Variants in JAZF1 observed in about 807,000 individuals in gnomAD.
The protein encoded by JAZF1 is JAZF zinc finger 1, also known as juxtaposed with another zinc finger protein 1.
In JAZF1, 8 loss-of-function variants were observed where a neutral mutation model predicts 26.4. The ratio of observed to expected loss-of-function variants is 0.30; its 90% confidence interval spans 0.18 to 0.55. The LOEUF is 0.55. Among genes scored for constraint, JAZF1 ranks in the 20% least tolerant of loss-of-function variants. The probability of loss-of-function intolerance (pLI) is 0.94; values close to 1 mark genes in which losing one functional copy is unlikely to be tolerated. For missense variants in JAZF1, 199 were observed against 322.0 expected, an observed-to-expected ratio of 0.62 and a Z score of 2.92; for synonymous variants, 126 against 122.3, an observed-to-expected ratio of 1.03 and a Z score of -0.20.
At chr7:28,058,923 A>G (rs973396068) in intron 1 of JAZF1, among the ~76,000 whole-genome samples, 2 of 152,308 alleles carry the variant, frequency 1.3e-5, no homozygotes, top group Middle Eastern at 3.4e-3. Context: ...CTTTCACATC[A>G]AGCGTAACAC....
intron 2 of JAZF1, among the ~76,000 whole-genome samples, chr7:27,907,545 G>T (rs1188423311): frequency 6.6e-6 from 1 of 152,164 alleles, no homozygotes. Context: ...CTCTGATGTT[G>T]CATGGCCTTA....
At chr7:28,015,378 T>C (rs1045027768) in intron 1 of JAZF1, among the ~76,000 whole-genome samples, 1 of 152,166 alleles carries the variant, frequency 6.6e-6, no homozygotes, top group Non-Finnish European at 1.5e-5. Flanking sequence ...TGACAATGCA[T>C]CAATTTGGTT....
intron 2 of JAZF1, among the ~76,000 whole-genome samples, chr7:27,963,311 T>C (rs935265843): frequency 1.3e-5 from 2 of 152,224 alleles, no homozygotes; most frequent in African/African-American, 4.8e-5. Context: ...GGAAACAATG[T>C]AGCTTTGGAG....
At chr7:27,968,959 A>T (rs1197750650) in intron 2 of JAZF1, among the ~76,000 whole-genome samples, 1 of 152,230 alleles carries the variant, frequency 6.6e-6, no homozygotes, top group Non-Finnish European at 1.5e-5. Flanking sequence ...AATAATAGAT[A>T]GTATTTTTCC....
chr7:27,854,060 T>G (rs1783200074), intron 3 of JAZF1, among the ~76,000 whole-genome samples: 1 of 152,180 alleles, frequency 6.6e-6, no homozygotes, highest in Non-Finnish European at 1.5e-5. Context: ...GCTCCTGTTT[T>G]GGGTGCGTAT....
intron 2 of JAZF1, among the ~76,000 whole-genome samples, chr7:27,935,180 A>T (rs1784747055): frequency 1.3e-5 from 2 of 152,196 alleles, no homozygotes; most frequent in Admixed American, 1.3e-4. Context: ...GAATGGTTAT[A>T]ATCAAACAGA....
At chr7:27,929,436 G>C in intron 2 of JAZF1, among the ~76,000 whole-genome samples, 1 of 152,184 alleles carries the variant, frequency 6.6e-6, no homozygotes, top group East Asian at 1.9e-4. Context: ...GGTCAGCCTG[G>C]AATCTTCAAT....
At chr7:28,145,957 T>C (rs1029183643) in intron 1 of JAZF1, among the ~76,000 whole-genome samples, 1 of 152,226 alleles carries the variant, frequency 6.6e-6, no homozygotes, top group Non-Finnish European at 1.5e-5. Context: ...GATGAGGAGT[T>C]TGTTCCTTTT....
At chr7:28,028,130 T>C (rs926321162) in intron 1 of JAZF1, among the ~76,000 whole-genome samples, 1 of 152,184 alleles carries the variant, frequency 6.6e-6, no homozygotes, top group African/African-American at 2.4e-5. Flanking sequence ...CCAAGTTCAA[T>C]ATGAAACAAG....
At chr7:28,064,669 G>T (rs1217196910) in intron 1 of JAZF1, among the ~76,000 whole-genome samples, 1 of 152,146 alleles carries the variant, frequency 6.6e-6, no homozygotes, top group East Asian at 1.9e-4. Context: ...AAAGCATAAA[G>T]AGATCTTATT....
At chr7:27,845,721 A>G (rs1783017055) in intron 3 of JAZF1, among the ~76,000 whole-genome samples, 1 of 144,364 alleles carries the variant, frequency 6.9e-6, no homozygotes, top group African/African-American at 2.6e-5. Flanking sequence ...AAAAGAAAAG[A>G]AAAAGAAAAA....
chr7:28,162,724 C>T (rs1783311962), intron 1 of JAZF1, among the ~76,000 whole-genome samples: 1 of 152,194 alleles, frequency 6.6e-6, no homozygotes, highest in Non-Finnish European at 1.5e-5. Context: ...GATATAAAGA[C>T]ACCAGGGGCT....
intron 2 of JAZF1, among the ~76,000 whole-genome samples, chr7:27,900,311 C>T (rs543610929): frequency 3.7e-4 from 56 of 152,242 alleles, no homozygotes; most frequent in African/African-American, 1.3e-3. Flanking sequence ...AAATCAAGTG[C>T]TTTGTTAAAA....
At chr7:28,173,813 A>G (rs1783508635) in intron 1 of JAZF1, among the ~76,000 whole-genome samples, 3 of 150,706 alleles carry the variant, frequency 2.0e-5, no homozygotes, top group Non-Finnish European at 4.4e-5. Context: ...CAAAGTTGAC[A>G]GCAATTGGAA....
At chr7:27,887,903 T>A (rs1335192096) in intron 3 of JAZF1, among the ~76,000 whole-genome samples, 2 of 152,098 alleles carry the variant, frequency 1.3e-5, no homozygotes, top group African/African-American at 4.8e-5. Flanking sequence ...GAATTAGCCA[T>A]AAGACTCGAC....
At chr7:27,914,932 T>C in intron 2 of JAZF1, 1 of 421,368 alleles carries the variant, frequency 2.4e-6, no homozygotes, top group Non-Finnish European at 4.9e-6. Context: ...CCATTTACTT[T>C]ATGTAAAGGA....
chr7:27,983,278 T>C (rs38508), intron 2 of JAZF1, among the ~76,000 whole-genome samples: 8,710 of 152,246 alleles, frequency 0.057, 362 homozygotes, highest in Non-Finnish European at 0.088. Flanking sequence ...CTGAAAACCA[T>C]GGCACGAGAA....
chr7:27,918,881 T>C (rs899664128), intron 2 of JAZF1, among the ~76,000 whole-genome samples: 5 of 152,312 alleles, frequency 3.3e-5, no homozygotes, highest in Non-Finnish European at 7.4e-5. Context: ...TTATACTAAA[T>C]TGCTGCTTAA....
At chr7:27,977,123 A>G (rs1474499557) in intron 2 of JAZF1, among the ~76,000 whole-genome samples, 1 of 152,118 alleles carries the variant, frequency 6.6e-6, no homozygotes, top group Non-Finnish European at 1.5e-5. Flanking sequence ...ATCTCTATTG[A>G]CTGCTTTGTT....
Sources: gnomAD v4.1 joint callset for allele counts (sites outside exome capture counted in the v4.1 genomes callset) on GRCh38, gnomAD v4.1.1 for gene constraint, MANE v1.5 for transcripts, NCBI Gene and HGNC (gene_info 2026-07-23, HGNC 2026-07-21) for gene names.